Variants in PATJ observed in about 807,000 individuals in gnomAD.
PATJ encodes PATJ crumbs cell polarity complex component.
PATJ carries 190 observed loss-of-function variants against 224.9 expected under a neutral mutation model. The observed-to-expected ratio is 0.84, with a 90% confidence interval of 0.75 to 0.95. The LOEUF is 0.95. Among genes scored for constraint, PATJ ranks in the 40% least tolerant of loss-of-function variants. The pLI is 0.00. For missense variants in PATJ, 2,121 were observed against 2,270.3 expected (o/e 0.93, Z 1.34); for synonymous variants, 769 against 820.3 (o/e 0.94, Z 1.07).
At chr1:61,816,462 G>A (rs1476428063) in intron 14 of PATJ, 1 of 152,132 alleles carries the variant, frequency 6.6e-6, no homozygotes, top group Non-Finnish European at 1.5e-5. Flanking sequence ...GAATGATACA[G>A]AGATTAGCAT....
At chr1:62,067,769 T>C (rs1220048490) in intron 31 of PATJ, among the ~76,000 whole-genome samples, 1 of 152,224 alleles carries the variant, frequency 6.6e-6, no homozygotes, top group Non-Finnish European at 1.5e-5. Context: ...TTAAGAATTG[T>C]TAAATTTGAA....
intron 29 of PATJ, among the ~76,000 whole-genome samples, chr1:62,028,526 C>T (rs553188735): frequency 6.6e-6 from 1 of 152,316 alleles, no homozygotes; most frequent in South Asian, 2.1e-4. Context: ...CGCCTGTCAT[C>T]CCAGCACTTT....
Position 61,827,566 on chromosome 1 carries a change from T to C in PATJ, c.1963T>C (p.Ser655Pro). 6.2e-7 allele frequency: 1 copy of C among 1,613,792 alleles called. No homozygotes were observed. Among genetic ancestry groups the C allele is most frequent in the Non-Finnish European group, 8.5e-7 (1 of 1,179,860 alleles). The change falls in exon 16 of 44, where the codon TCT becomes CCT. Residue 655 changes from serine to proline, a missense_variant. Physicochemically the swap from Ser to Pro is moderately conservative, Grantham distance 74. Coordinates refer to ENST00000642238, the MANE Select transcript of PATJ (RefSeq NM_001350145.3). ...AGATGAACCAAGGCGCACTGAAACCTCTCTTCCTGAGACAGAGGTACTAAA... is the reference window on the plus strand; with the variant it reads ...AGATGAACCAAGGCGCACTGAAACCCCTCTTCCTGAGACAGAGGTACTAAA... ...SVDEPRRTETSLPETEVDHNM... is the reference protein window; with the variant it reads ...SVDEPRRTETPLPETEVDHNM...
intron 37 of PATJ, among the ~76,000 whole-genome samples, chr1:62,117,757 A>AT (rs143284826): frequency 0.19 from 29,190 of 151,002 alleles, 4,219 homozygotes; most frequent in East Asian, 0.72. Context: ...TGTAAGTGCC[A>AT]TTTTTTTTTA....
rs756005895 is a variant in PATJ at position 61,864,207 on chromosome 1, C to A, written c.2440-31C>A. ...TAGTGCAGCTTCAGGACAGGCGTAA[C>A]TTCACATTTTTTTGCATCTTTTATT... On this transcript the variant is annotated intron_variant, in intron 19 of 43. Coordinates refer to ENST00000642238, the MANE Select transcript of PATJ (RefSeq NM_001350145.3). The A allele has an allele frequency of 6.5e-6, 10 of 1,547,272 alleles. No homozygotes were observed. In the African/African-American group the frequency reaches 1.5e-4, roughly 23 times the overall value.
At chr1:61,876,026 T>C (rs1214732587) in intron 21 of PATJ, among the ~76,000 whole-genome samples, 3 of 152,206 alleles carry the variant, frequency 2.0e-5, no homozygotes, top group South Asian at 4.1e-4. Context: ...AGAGCCATTG[T>C]TGAGGATTTA....
rs1297177711 is a variant in PATJ at position 62,018,480 on chromosome 1, C to T, written c.3959+533C>T. Among the ~76,000 whole-genome samples, 1 of 152,170 alleles carries T rather than the reference C, an allele frequency of 6.6e-6. No homozygotes were observed. Among genetic ancestry groups the T allele is most frequent in the South Asian group, 2.1e-4 (1 of 4,826 alleles). ...GCAAGCTGATTGAGCCCTCATGGTA[C>T]AAGTAAATCAGAATTAGGAATCTTA... is the stretch of plus-strand genomic sequence containing the variant. On this transcript the variant is annotated intron_variant, in intron 29 of 43. Transcript: ENST00000642238. The surrounding 1 kb of genome is among the most constrained non-coding windows in gnomAD (Gnocchi z 4.2).
chr1:61,991,558 G>T (rs775137049), intron 28 of PATJ: 6 of 985,184 alleles, frequency 6.1e-6, no homozygotes, highest in Non-Finnish European at 7.2e-6. Context: ...AGCTGGCCAG[G>T]TGCAACAGGA....
chr1:62,082,628 G>A (rs1233065434), intron 32 of PATJ, among the ~76,000 whole-genome samples: 3 of 151,546 alleles, frequency 2.0e-5, no homozygotes, highest in East Asian at 3.9e-4. Flanking sequence ...CCACACAACC[G>A]CTATTGCAGT....
At chr1:62,006,336 G>A (rs1364689738) in intron 28 of PATJ, among the ~76,000 whole-genome samples, 3 of 152,100 alleles carry the variant, frequency 2.0e-5, no homozygotes, top group Admixed American at 6.5e-5. Context: ...GGCTGGTCTC[G>A]AACTCCTGAG....
chr1:61,896,263 T>A (rs1670348497), intron 22 of PATJ, among the ~76,000 whole-genome samples: 1 of 147,988 alleles, frequency 6.8e-6, no homozygotes, highest in African/African-American at 2.5e-5. Flanking sequence ...ACCACTGCAC[T>A]CCATCCTGGG....
At chr1:61,957,610 T>A (rs936350397) in intron 27 of PATJ, among the ~76,000 whole-genome samples, 1 of 152,034 alleles carries the variant, frequency 6.6e-6, no homozygotes, top group East Asian at 1.9e-4. Context: ...TAGGAAAGAG[T>A]AGAAGTTTTC....
chr1:62,130,946 A>G (rs767926266), intron 41 of PATJ, among the ~76,000 whole-genome samples: 5 of 152,180 alleles, frequency 3.3e-5, no homozygotes, highest in Non-Finnish European at 7.4e-5. Context: ...ACATTTAAAA[A>G]GTAAGTGGCT....
At chr1:62,002,264 A>G (rs1645818799) in intron 28 of PATJ, among the ~76,000 whole-genome samples, 1 of 152,144 alleles carries the variant, frequency 6.6e-6, no homozygotes, top group Admixed American at 6.6e-5. Context: ...CGTCATTACA[A>G]AAGTACAGAA....
At chr1:61,808,993 C>G (rs554161137) in intron 14 of PATJ, among the ~76,000 whole-genome samples, 1 of 152,130 alleles carries the variant, frequency 6.6e-6, no homozygotes, top group East Asian at 1.9e-4. Context: ...AAATCAAGAC[C>G]CGGGAATACA....
At chr1:61,992,612 C>G (rs566650041) in intron 28 of PATJ, among the ~76,000 whole-genome samples, 10 of 152,280 alleles carry the variant, frequency 6.6e-5, no homozygotes, top group African/African-American at 2.4e-4. Context: ...GATTCTTGTT[C>G]TGTTCTTTCT....
intron 29 of PATJ, among the ~76,000 whole-genome samples, chr1:62,034,950 A>G: frequency 6.6e-6 from 1 of 152,180 alleles, no homozygotes; most frequent in East Asian, 1.9e-4. Flanking sequence ...AGAGATATGA[A>G]AAGTCACCTA....
At chr1:62,046,188 T>G (rs1652514103) in intron 30 of PATJ, among the ~76,000 whole-genome samples, 1 of 121,960 alleles carries the variant, frequency 8.2e-6, no homozygotes, top group Admixed American at 1.2e-4. Context: ...GGTGACAGAG[T>G]GAGATGGTGA....
chr1:61,806,275 G>A (rs778052658), intron 13 of PATJ, among the ~76,000 whole-genome samples: 2 of 152,060 alleles, frequency 1.3e-5, no homozygotes, highest in Non-Finnish European at 2.9e-5. Flanking sequence ...AAATCTTTTT[G>A]GTTTAGATTA....
Sources: allele counts gnomAD v4.1 joint callset (sites outside exome capture counted in the v4.1 genomes callset), GRCh38; gene constraint gnomAD v4.1.1; non-coding constraint Gnocchi (gnomAD v3.1); transcripts MANE v1.5; gene names NCBI Gene and HGNC (gene_info 2026-07-23, HGNC 2026-07-21).